ATG4C: variants seen among roughly 807,000 people sequenced by gnomAD.
ATG4C encodes cysteine protease ATG4C.
ATG4C carries 56 observed loss-of-function variants against 57.6 expected under a neutral mutation model. The observed-to-expected ratio is 0.97, with a 90% CI of 0.78 to 1.21. The LOEUF is 1.21. Among genes scored for constraint, ATG4C ranks in the 50% most tolerant of loss-of-function variants. The pLI, the probability that ATG4C is intolerant of heterozygous loss-of-function variation, is 0.00. For missense variants in ATG4C, 595 were observed against 529.8 expected, an observed-to-expected ratio of 1.12 and a Z score of -1.21; for synonymous variants, 157 against 174.1, an observed-to-expected ratio of 0.90 and a Z score of 0.78.
At chr1:62,845,650 T>C (rs1209348390) in intron 10 of ATG4C, among the ~76,000 whole-genome samples, 1 of 152,190 alleles carries the variant, frequency 6.6e-6, no homozygotes. Context: ...CCTATACTCC[T>C]TCCAGAAGTT....
At chr1:62,799,686 T>TA (rs1479939898) in intron 1 of ATG4C, among the ~76,000 whole-genome samples, 1 of 152,184 alleles carries the variant, frequency 6.6e-6, no homozygotes, top group African/African-American at 2.4e-5. Flanking sequence ...GATGTTTTGA[T>TA]ATAGACATGA....
Position 62,829,145 on chromosome 1 carries a change from G to T in ATG4C, c.902G>T (p.Arg301Ile). Residue 301 changes from arginine to isoleucine, a missense_variant, in exon 7 of 11, where the codon AGA becomes ATA. By Grantham distance (97) the Arg-to-Ile change is moderately conservative (BLOSUM62 -3). Coordinates refer to ENST00000317868, the MANE Select transcript of ATG4C (RefSeq NM_032852.4). ...ILVPVRLGGE[R>I]TNTDYLEFVK... The stretch of plus-strand genomic sequence containing the variant: ...GTTCCTGTTAGACTTGGTGGAGAAA[G>T]AACCAACACCGACTACTTAGAATTT... 1 of 1,613,010 alleles carries T rather than the reference G, an allele frequency of 6.2e-7. No homozygotes were observed. The highest frequency in any genetic ancestry group is 1.3e-5 in the African/African-American group (1 of 74,956).
chr1:62,820,872 G>T (rs1455229826), intron 5 of ATG4C, among the ~76,000 whole-genome samples: 2 of 151,886 alleles, frequency 1.3e-5, no homozygotes, highest in Admixed American at 6.6e-5. Flanking sequence ...TGGAGGGAGG[G>T]GAGTAGAGCT....
At chr1:62,791,063 G>A (rs1664259738) in intron 1 of ATG4C, among the ~76,000 whole-genome samples, 2 of 152,104 alleles carry the variant, frequency 1.3e-5, no homozygotes, top group African/African-American at 4.8e-5. Context: ...TTTACCCTGT[G>A]ATATTATTCA....
At chr1:62,807,496 A>C (rs1202273693) in intron 3 of ATG4C, among the ~76,000 whole-genome samples, 2 of 152,172 alleles carry the variant, frequency 1.3e-5, no homozygotes, top group East Asian at 3.9e-4. Context: ...CCCATTCCCA[A>C]TCCTCTGGGC....
At chr1:62,794,171 T>G (rs1014296991) in intron 1 of ATG4C, among the ~76,000 whole-genome samples, 2 of 152,210 alleles carry the variant, frequency 1.3e-5, no homozygotes, top group African/African-American at 4.8e-5. Context: ...TCCTTACATC[T>G]TATTTAGGTT....
In ATG4C at chr1:62,834,062, G is replaced by T; in HGVS notation, c.958G>T (p.Val320Leu). The change falls in exon 8 of 11, where the codon GTG becomes TTG. Residue 320 changes from valine to leucine, a missense_variant. By Grantham distance (32) the Val-to-Leu change is conservative. Transcript: ENST00000317868. ...GGGTATTTTAAGCCTGGAATATTGT[G>T]TGGGTATTATTGGTGGCAAACCTAA... is the stretch of plus-strand genomic sequence containing the variant. Reference protein sequence around the residue: ...VKGILSLEYCVGIIGGKPKQS... With the variant: ...VKGILSLEYCLGIIGGKPKQS... 11 of 1,612,600 alleles carry T rather than the reference G, an allele frequency of 6.8e-6. No homozygotes were observed. Among genetic ancestry groups the T allele is most frequent in the Non-Finnish European group, 9.3e-6 (11 of 1,179,202 alleles).
At chr1:62,809,548 A>C (rs1003335534) in intron 3 of ATG4C, among the ~76,000 whole-genome samples, 1 of 147,020 alleles carries the variant, frequency 6.8e-6, no homozygotes, top group Non-Finnish European at 1.5e-5. Context: ...ATTATATATC[A>C]CTTAATGTAA....
intron 1 of ATG4C, among the ~76,000 whole-genome samples, chr1:62,794,286 T>A (rs1368963550): frequency 6.6e-6 from 1 of 152,228 alleles, no homozygotes; most frequent in Non-Finnish European, 1.5e-5. Context: ...GTAGAAGTCA[T>A]GTGTGACCAT....
intron 7 of ATG4C, among the ~76,000 whole-genome samples, chr1:62,833,455 G>C (rs767907142): frequency 2.5e-4 from 38 of 152,150 alleles, no homozygotes; most frequent in Non-Finnish European, 2.4e-4. Flanking sequence ...GATATTTTAT[G>C]ATTAGTAAAA....
chr1:62,860,757 G>T (rs977015179), intron 10 of ATG4C, among the ~76,000 whole-genome samples: 2 of 152,180 alleles, frequency 1.3e-5, no homozygotes, highest in African/African-American at 4.8e-5. Context: ...CCCCTACATA[G>T]GGTATAGCTC....
chr1:62,815,336 A>G (rs1281654144), intron 3 of ATG4C, among the ~76,000 whole-genome samples: 4 of 152,068 alleles, frequency 2.6e-5, no homozygotes, highest in Non-Finnish European at 5.9e-5. Flanking sequence ...GACTTATCAC[A>G]GTCTGCCTTC....
At chr1:62,805,988 TATC>T (rs1664867443) in intron 3 of ATG4C, among the ~76,000 whole-genome samples, 3 of 152,342 alleles carry the variant, frequency 2.0e-5, no homozygotes, top group Middle Eastern at 3.4e-3. Context: ...AGTATGTTGT[TATC>T]ATGGCTTTTC....
At chr1:62,809,432 T>A (rs888314655) in intron 3 of ATG4C, among the ~76,000 whole-genome samples, 1 of 147,752 alleles carries the variant, frequency 6.8e-6, no homozygotes, top group African/African-American at 2.5e-5. Flanking sequence ...CACATATATT[T>A]AAAAATACAT....
At chr1:62,807,985 A>G (rs373268948) in intron 3 of ATG4C, among the ~76,000 whole-genome samples, 1 of 152,240 alleles carries the variant, frequency 6.6e-6, no homozygotes, top group African/African-American at 2.4e-5. Context: ...ATTGAAGTAT[A>G]GGATTCCCGG....
At chr1:62,809,367 ATATG>A (rs1445820972) in intron 3 of ATG4C, among the ~76,000 whole-genome samples, 10 of 148,770 alleles carry the variant, frequency 6.7e-5, no homozygotes, top group African/African-American at 2.4e-4. Flanking sequence ...TATAATAAAT[ATATG>A]TACATTATAG....
intron 3 of ATG4C, among the ~76,000 whole-genome samples, chr1:62,808,184 A>G (rs1480872897): frequency 1.3e-5 from 2 of 152,236 alleles, no homozygotes; most frequent in Non-Finnish European, 2.9e-5. Context: ...GATACAGGGC[A>G]GTGCATCTGG....
chr1:62,835,304 T>A, intron 9 of ATG4C: 1 of 266,588 alleles, frequency 3.8e-6, no homozygotes. Context: ...TAGCCTTTAG[T>A]TAGGAAGTTT....
At chr1:62,824,424 G>T (rs1665579916) in intron 6 of ATG4C, among the ~76,000 whole-genome samples, 1 of 152,160 alleles carries the variant, frequency 6.6e-6, no homozygotes, top group Non-Finnish European at 1.5e-5. Flanking sequence ...TTAAAGGAAA[G>T]AACTGGGACA....
Sources: allele counts gnomAD v4.1 joint callset (sites outside exome capture counted in the v4.1 genomes callset), GRCh38; gene constraint gnomAD v4.1.1; transcripts MANE v1.5; gene names NCBI Gene and HGNC (gene_info 2026-07-23, HGNC 2026-07-21).